Variants in MYO3B observed in about 807,000 individuals in gnomAD.
The protein encoded by MYO3B is myosin-IIIb.
MYO3B carries 156 observed loss-of-function variants against 174.6 expected under a neutral mutation model. The ratio of observed to expected loss-of-function variants is 0.89; its 90% CI spans 0.78 to 1.02. The LOEUF (loss-of-function observed/expected upper bound fraction) is 1.02, where lower values mean the gene tolerates loss of function less well. Ranked by LOEUF, MYO3B falls within the 50% of genes least tolerant of loss-of-function variation. The pLI is 0.00. For synonymous variants in MYO3B, 563 were observed against 569.1 expected (o/e 0.99, Z 0.15); for missense variants, 1,632 against 1,639.4 (o/e 1.00, Z 0.08).
intron 32 of MYO3B, among the ~76,000 whole-genome samples, chr2:170,621,708 C>T (rs1695932013): frequency 6.6e-6 from 1 of 151,958 alleles, no homozygotes. Context: ...GATGTTATTT[C>T]GTCATGTTGG....
intron 23 of MYO3B, among the ~76,000 whole-genome samples, chr2:170,458,701 C>T (rs144515481): frequency 2.3e-4 from 35 of 152,272 alleles, no homozygotes; most frequent in African/African-American, 6.5e-4. Flanking sequence ...TTTGGAGCTC[C>T]GTGGAAGGCC....
chr2:170,484,178 G>C (rs934861), intron 25 of MYO3B, among the ~76,000 whole-genome samples: 3 of 151,864 alleles, frequency 2.0e-5, no homozygotes, highest in Non-Finnish European at 4.4e-5. Flanking sequence ...AGGGTTTTAC[G>C]TATATCATCT....
At chr2:170,242,730 G>T (rs572924387) in intron 7 of MYO3B, among the ~76,000 whole-genome samples, 3 of 152,258 alleles carry the variant, frequency 2.0e-5, no homozygotes, top group African/African-American at 7.2e-5. Flanking sequence ...GATTCCCAGC[G>T]CTATCTGTGC....
chr2:170,354,806 T>C (rs1440852273), intron 8 of MYO3B, among the ~76,000 whole-genome samples: 1 of 152,148 alleles, frequency 6.6e-6, no homozygotes, highest in Non-Finnish European at 1.5e-5. Flanking sequence ...TTCTGCTCCA[T>C]CTTGTTAATG....
intron 25 of MYO3B, among the ~76,000 whole-genome samples, chr2:170,472,807 C>A (rs1247089940): frequency 6.6e-6 from 1 of 151,700 alleles, no homozygotes; most frequent in Non-Finnish European, 1.5e-5. Flanking sequence ...GTTCAAGCGA[C>A]CCTCCCACCT....
chr2:170,639,713 G>C (rs1697811294), intron 32 of MYO3B, among the ~76,000 whole-genome samples: 1 of 152,058 alleles, frequency 6.6e-6, no homozygotes, highest in South Asian at 2.1e-4. Flanking sequence ...TTTATATTTT[G>C]CTTTAAAGAT....
At chr2:170,358,705 A>G (rs1314035642) in intron 8 of MYO3B, among the ~76,000 whole-genome samples, 3 of 152,200 alleles carry the variant, frequency 2.0e-5, no homozygotes, top group African/African-American at 7.2e-5. Context: ...AGCTATGCAC[A>G]TTATAGTTGC....
chr2:170,314,425 C>A (rs188652700), intron 7 of MYO3B, among the ~76,000 whole-genome samples: 3 of 152,320 alleles, frequency 2.0e-5, no homozygotes, highest in Admixed American at 6.5e-5. Context: ...CTCTTGCAGC[C>A]ATACTAGGGT....
intron 7 of MYO3B, chr2:170,332,290 C>A (rs1049247030): frequency 1.3e-5 from 2 of 151,920 alleles, no homozygotes; most frequent in African/African-American, 4.8e-5. Flanking sequence ...AAAAGGCAGA[C>A]AAGAAATCAA....
At chr2:170,502,838 C>G (rs932321567) in intron 28 of MYO3B, among the ~76,000 whole-genome samples, 1 of 152,228 alleles carries the variant, frequency 6.6e-6, no homozygotes, top group Non-Finnish European at 1.5e-5. Context: ...AGTCCCTCCT[C>G]GGAACCTGGC....
At chr2:170,289,390 A>G (rs777249459) in intron 7 of MYO3B, among the ~76,000 whole-genome samples, 1 of 152,060 alleles carries the variant, frequency 6.6e-6, no homozygotes, top group East Asian at 1.9e-4. Flanking sequence ...CTTCTCATTA[A>G]CAATTATTGG....
chr2:170,225,204 A>G (rs1359252880), intron 6 of MYO3B, among the ~76,000 whole-genome samples: 4 of 152,248 alleles, frequency 2.6e-5, no homozygotes, highest in Admixed American at 1.3e-4. Flanking sequence ...AAATCTTACA[A>G]CACTACCAAA....
Position 170,383,127 on chromosome 2 carries a change from T to C in MYO3B, c.1123T>C (p.Tyr375His), listed in dbSNP as rs1401680329. The change falls in exon 11 of 35, where the codon TAT becomes CAT. Residue 375 changes from tyrosine (Y) to histidine (H), a missense_variant. Coordinates refer to ENST00000408978, the MANE Select transcript of MYO3B (RefSeq NM_138995.5). ...TTATGCAGACTTGCTAATTTACACA[T>C]ATGTTGGAGACATCTTAATTGCCTT... is the stretch of plus-strand genomic sequence containing the variant. ...KRYADLLIYT[Y>H]VGDILIALNP... 6.2e-7 allele frequency: 1 copy of C among 1,613,282 alleles called. No individual in the cohort carries two copies. The highest frequency in any genetic ancestry group is 8.5e-7 in the Non-Finnish European group (1 of 1,179,536).
intron 8 of MYO3B, among the ~76,000 whole-genome samples, chr2:170,347,095 T>C (rs1004958179): frequency 6.6e-6 from 1 of 152,224 alleles, no homozygotes; most frequent in Non-Finnish European, 1.5e-5. Context: ...TAAAAATACC[T>C]GAGAGCTAAA....
intron 28 of MYO3B, among the ~76,000 whole-genome samples, chr2:170,502,266 G>C (rs999713693): frequency 2.0e-5 from 3 of 152,198 alleles, no homozygotes; most frequent in Non-Finnish European, 4.4e-5. Context: ...CCCTCTCGGA[G>C]TCATATGTCC....
intron 23 of MYO3B, among the ~76,000 whole-genome samples, chr2:170,447,503 T>C (rs1683292388): frequency 6.6e-6 from 1 of 152,174 alleles, no homozygotes; most frequent in Non-Finnish European, 1.5e-5. Context: ...TCTAGATGGT[T>C]TATGGGATTC....
At position 170,479,447 on chromosome 2, in the gene MYO3B, T is replaced by C. The variant is rs1685538489; in HGVS notation, c.3014+12736T>C. 1.4e-5 allele frequency among the ~76,000 whole-genome samples: 2 copies of C among 146,058 alleles called. 1 individual carries two copies. The highest frequency in any genetic ancestry group is 6.7e-3 in the Middle Eastern group (2 of 298). Reference sequence around the variant, plus strand: ...ATATGTATTTAAAATATATAAAATATAGATTTTATATATATACACACACAT... The same window carrying C: ...ATATGTATTTAAAATATATAAAATACAGATTTTATATATATACACACACAT... On this transcript the variant is annotated intron_variant, in intron 25 of 34. Transcript: ENST00000408978.
At chr2:170,507,730 T>C (rs989477658) in intron 28 of MYO3B, among the ~76,000 whole-genome samples, 1 of 145,690 alleles carries the variant, frequency 6.9e-6, no homozygotes. Context: ...TTAACATATC[T>C]TGTAGGGGGA....
intron 25 of MYO3B, among the ~76,000 whole-genome samples, chr2:170,488,654 C>G (rs1358776067): frequency 1.3e-5 from 2 of 152,092 alleles, no homozygotes; most frequent in African/African-American, 4.8e-5. Context: ...GGATGAATTG[C>G]AAATGGAAAT....
Sources: gnomAD v4.1 joint callset for allele counts (sites outside exome capture counted in the v4.1 genomes callset) on GRCh38, gnomAD v4.1.1 for gene constraint, MANE v1.5 for transcripts, NCBI Gene and HGNC (gene_info 2026-07-23, HGNC 2026-07-21) for gene names.